The following GRID1 variants were observed in gnomAD, a reference collection of about 807,000 sequenced individuals.
GRID1 encodes glutamate receptor ionotropic, delta-1.
A neutral mutation model predicts 98.0 loss-of-function variants in GRID1; 28 were observed. The ratio of observed to expected loss-of-function variants is 0.29; its 90% CI spans 0.21 to 0.39. GRID1 has a LOEUF of 0.39. Among genes scored for constraint, GRID1 ranks in the 10% least tolerant of loss-of-function variants. The pLI, the probability that GRID1 is intolerant of heterozygous loss-of-function variation, is 1.00. For missense variants in GRID1, 1,111 were observed against 1,340.5 expected, an observed-to-expected ratio of 0.83 and a Z score of 2.67; for synonymous variants, 553 against 538.5, an observed-to-expected ratio of 1.03 and a Z score of -0.37.
chr10:85,787,339 T>C (rs1842438830), intron 8 of GRID1, among the ~76,000 whole-genome samples: 1 of 152,200 alleles, frequency 6.6e-6, no homozygotes, highest in Non-Finnish European at 1.5e-5. Context: ...ATCTTGGCCA[T>C]GCACTCTGCT....
At chr10:86,328,061 CTGTT>C (rs1429019837) in intron 2 of GRID1, among the ~76,000 whole-genome samples, 1 of 152,146 alleles carries the variant, frequency 6.6e-6, no homozygotes, top group African/African-American at 2.4e-5. Context: ...TCATGAAACT[CTGTT>C]TGAAATGTGG....
At chr10:85,714,488 A>G (rs1261249073) in intron 12 of GRID1, among the ~76,000 whole-genome samples, 1 of 152,100 alleles carries the variant, frequency 6.6e-6, no homozygotes, top group Non-Finnish European at 1.5e-5. Context: ...GACGTGATCT[A>G]TAAAGAAAAT....
chr10:85,923,210 G>A (rs948723641), intron 4 of GRID1, among the ~76,000 whole-genome samples: 1 of 152,046 alleles, frequency 6.6e-6, no homozygotes, highest in Non-Finnish European at 1.5e-5. Flanking sequence ...CCCCACCCTT[G>A]GCAGGAACAG....
chr10:85,672,072 GAGC>G (rs1841092264), intron 12 of GRID1, among the ~76,000 whole-genome samples: 1 of 152,210 alleles, frequency 6.6e-6, no homozygotes, highest in Non-Finnish European at 1.5e-5. Flanking sequence ...AGTGCTGATG[GAGC>G]AGCAAGTCAT....
intron 4 of GRID1, among the ~76,000 whole-genome samples, chr10:86,046,861 CAAAAA>C (rs199526669): frequency 2.8e-5 from 3 of 107,686 alleles, no homozygotes; most frequent in Admixed American, 9.5e-5. Context: ...AAGCCCATTT[CAAAAA>C]AAAAAAAAAA....
Position 85,969,264 on chromosome 10 carries a change from C to T in GRID1, c.727-53025G>A, listed in dbSNP as rs556924350. ...ATTATAGTTGGAGACTACAATATCT[C>T]ACTTTCCATAATTGGTAGAACAACT... On this transcript the variant is annotated intron_variant, in intron 4 of 15. Coordinates refer to ENST00000327946, the MANE Select transcript of GRID1 (RefSeq NM_017551.3). Among the ~76,000 whole-genome samples, 3 of 152,196 alleles carry T rather than the reference C, an allele frequency of 2.0e-5. No homozygotes were observed. In the East Asian group the frequency reaches 5.8e-4, roughly 29 times the overall value.
At chr10:85,640,389 C>A (rs190902628) in intron 13 of GRID1, among the ~76,000 whole-genome samples, 5 of 152,332 alleles carry the variant, frequency 3.3e-5, no homozygotes, top group Non-Finnish European at 7.3e-5. Context: ...TTATAGAGAG[C>A]AGTATTTTTG....
At chr10:86,228,286 G>A (rs1232501475) in intron 2 of GRID1, among the ~76,000 whole-genome samples, 1 of 146,034 alleles carries the variant, frequency 6.8e-6, no homozygotes, top group Non-Finnish European at 1.5e-5. Context: ...AGGAGTGAAT[G>A]GGGGTGGCTT....
intron 3 of GRID1, among the ~76,000 whole-genome samples, chr10:86,182,602 T>G (rs1056659209): frequency 1.3e-5 from 2 of 152,158 alleles, no homozygotes; most frequent in African/African-American, 4.8e-5. Context: ...AGGAAGAAAA[T>G]TATAACATGG....
chr10:85,695,826 C>T (rs1429554167), intron 12 of GRID1, among the ~76,000 whole-genome samples: 1 of 152,048 alleles, frequency 6.6e-6, no homozygotes, highest in South Asian at 2.1e-4. Context: ...CTGTAAAGAG[C>T]ATGTAACCCA....
At chr10:86,205,537 T>C (rs1487498724) in intron 3 of GRID1, among the ~76,000 whole-genome samples, 1 of 152,230 alleles carries the variant, frequency 6.6e-6, no homozygotes, top group Non-Finnish European at 1.5e-5. Context: ...AAATCCTGGT[T>C]GCAATATTGT....
chr10:85,980,977 A>G (rs1842537415), intron 4 of GRID1, among the ~76,000 whole-genome samples: 1 of 152,222 alleles, frequency 6.6e-6, no homozygotes, highest in African/African-American at 2.4e-5. Context: ...AGGAAGTGAC[A>G]GCTATCTCTT....
intron 12 of GRID1, among the ~76,000 whole-genome samples, chr10:85,707,230 A>T (rs1366464182): frequency 6.6e-6 from 1 of 152,220 alleles, no homozygotes; most frequent in Non-Finnish European, 1.5e-5. Flanking sequence ...AAGGGCTAAC[A>T]TCCAGAATCT....
intron 4 of GRID1, among the ~76,000 whole-genome samples, chr10:86,017,433 G>C (rs1310429896): frequency 6.6e-6 from 1 of 152,220 alleles, no homozygotes; most frequent in East Asian, 1.9e-4. Flanking sequence ...AGTAAGTGCT[G>C]ACTTTTGCTA....
At chr10:85,729,244 C>A (rs923277593) in intron 9 of GRID1, among the ~76,000 whole-genome samples, 5 of 152,178 alleles carry the variant, frequency 3.3e-5, no homozygotes, top group African/African-American at 1.2e-4. Flanking sequence ...TTGGCCCCCT[C>A]TGGTCCTCAG....
chr10:85,681,110 T>C (rs1378380523), intron 12 of GRID1, among the ~76,000 whole-genome samples: 1 of 152,148 alleles, frequency 6.6e-6, no homozygotes, highest in Non-Finnish European at 1.5e-5. Flanking sequence ...AAACTGCACT[T>C]GTACTCTCTC....
chr10:85,702,314 G>T (rs113459023), intron 12 of GRID1, among the ~76,000 whole-genome samples: 4 of 151,982 alleles, frequency 2.6e-5, no homozygotes, highest in African/African-American at 4.8e-5. Flanking sequence ...TTGCTAAAAG[G>T]CATGTGAAAA....
chr10:85,923,911 T>A (rs114874866), intron 4 of GRID1, among the ~76,000 whole-genome samples: 276 of 152,200 alleles, frequency 1.8e-3, no homozygotes, highest in African/African-American at 5.9e-3. Context: ...GTTTCCAGAG[T>A]TTCCTGTCAC....
intron 15 of GRID1, among the ~76,000 whole-genome samples, chr10:85,603,346 G>A (rs575223287): frequency 3.3e-5 from 5 of 152,292 alleles, no homozygotes; most frequent in Non-Finnish European, 7.4e-5. Flanking sequence ...GCAAGGGGGC[G>A]TGGGTTCCTG....
Sources: gnomAD v4.1 joint callset for allele counts (sites outside exome capture counted in the v4.1 genomes callset) on GRCh38, gnomAD v4.1.1 for gene constraint, MANE v1.5 for transcripts, NCBI Gene and HGNC (gene_info 2026-07-23, HGNC 2026-07-21) for gene names.